NLRC5: variants seen among roughly 807,000 people sequenced by gnomAD.
NLRC5 encodes the protein protein NLRC5.
A neutral mutation model predicts 206.9 loss-of-function variants in NLRC5; 114 were observed. The ratio of observed to expected loss-of-function variants is 0.55; its 90% CI spans 0.47 to 0.64. The LOEUF (loss-of-function observed/expected upper bound fraction) is 0.64. Ranked by LOEUF, NLRC5 falls within the 30% of genes least tolerant of loss-of-function variation. The pLI is 0.00. For missense variants in NLRC5, 2,008 were observed against 2,305.5 expected (o/e 0.87, Z 2.64); for synonymous variants, 952 against 962.8 (o/e 0.99, Z 0.21).
rs2059736823 is a variant in NLRC5, at chr16:57,013,706, T to C, written c.-127-3368T>C. 3.9e-6 allele frequency: 3 copies of C among 773,068 alleles called. No homozygotes were observed. In the South Asian group the frequency reaches 4.3e-5, roughly 11 times the overall value. The allele number at this position is 773,068 out of a possible 1,614,324, so 47.9% of individuals were successfully genotyped here. ...TTGCTGGTAACCTGGAATATGCTCC[T>C]TTGGTGGTTGTGCCTGATAAAAGTC... On this transcript the variant is annotated intron_variant, in intron 1 of 48. Coordinates refer to ENST00000688547, the MANE Select transcript of NLRC5 (RefSeq NM_001384950.1).
chr16:57,079,300 GC>G lies in NLRC5; in HGVS notation c.5237+10del. The G allele has an allele frequency of 6.2e-7, 1 of 1,613,162 alleles. No individual in the cohort carries two copies. The highest frequency in any genetic ancestry group is 8.5e-7 in the Non-Finnish European group (1 of 1,179,926). ...GCTGCTCAGACAGATAGAGTAAGTA[GC>G]CTCCCCTGCCTGCCTAGGGGACCAG... On this transcript the variant is annotated intron_variant, in intron 45 of 48. Coordinates refer to ENST00000688547, the MANE Select transcript of NLRC5 (RefSeq NM_001384950.1).
chr16:57,000,620 T>A (rs1490637642), intron 1 of NLRC5, among the ~76,000 whole-genome samples: 1 of 152,140 alleles, frequency 6.6e-6, no homozygotes, highest in African/African-American at 2.4e-5. Context: ...TGAGCCTCAA[T>A]TTCCTCATGT....
chr16:57,061,081 T>C (rs1156718210), intron 30 of NLRC5, among the ~76,000 whole-genome samples: 1 of 152,252 alleles, frequency 6.6e-6, no homozygotes, highest in Non-Finnish European at 1.5e-5. Context: ...CTTTCTTATC[T>C]GCTGTGTGTC....
intron 23 of NLRC5, among the ~76,000 whole-genome samples, chr16:57,049,725 C>A (rs1328354120): frequency 1.3e-5 from 2 of 149,804 alleles, no homozygotes; most frequent in African/African-American, 4.9e-5. Context: ...CAGAGCAAGA[C>A]TCTGTCTCAA....
At chr16:57,022,112 A>T in intron 3 of NLRC5, 144 bp from the exon 4 acceptor site, 2 of 608,760 alleles carry the variant, frequency 3.3e-6, no homozygotes, top group Non-Finnish European at 5.7e-6. Flanking sequence ...TTTTCTCCAC[A>T]ACAGATAACT....
intron 20 of NLRC5, among the ~76,000 whole-genome samples, chr16:57,045,126 G>GT (rs1256556087): frequency 1.8e-4 from 27 of 151,550 alleles, no homozygotes; most frequent in African/African-American, 6.5e-4. Flanking sequence ...GATCAGTTGA[G>GT]CCCGGGGAAG....
chr16:57,061,562 C>G, intron 31 of NLRC5, 31 bp downstream of exon 31: 1 of 1,609,108 alleles, frequency 6.2e-7, no homozygotes. Flanking sequence ...GTGAGGACAG[C>G]AGAGGGGTGG....
chr16:57,069,954 G>T, intron 37 of NLRC5, 35 bp downstream of exon 37: 1 of 1,529,724 alleles, frequency 6.5e-7, no homozygotes. Flanking sequence ...GGGACAAGTG[G>T]CCCAGCTGAG....
In NLRC5 at chr16:57,026,360, G is replaced by T; in HGVS notation, c.1417G>T (p.Val473Phe). Residue 473 changes from valine to phenylalanine, a missense_variant, in exon 6 of 49, where the codon GTT (valine) becomes TTT (phenylalanine). By Grantham distance (50) the Val-to-Phe change is conservative. Coordinates refer to ENST00000688547, the MANE Select transcript of NLRC5 (RefSeq NM_001384950.1). ...CCTGAGGGGCCTGGAGACAGGGAAG[G>T]TTATCTTCTATGCAAAAGATATTGC... Reference protein sequence around the residue: ...VALRGLETGKVIFYAKDIAPP... With the variant: ...VALRGLETGKFIFYAKDIAPP... The T allele has an allele frequency of 6.2e-7, 1 of 1,613,968 alleles. No homozygotes were observed. Among genetic ancestry groups the T allele is most frequent in the Non-Finnish European group, 8.5e-7 (1 of 1,180,052 alleles).
At chr16:57,004,126 A>G in intron 1 of NLRC5, 1 of 152,638 alleles carries the variant, frequency 6.6e-6, no homozygotes, top group Non-Finnish European at 1.5e-5. Flanking sequence ...GACGTGAGGT[A>G]GGGAAGCAGG....
intron 1 of NLRC5, among the ~76,000 whole-genome samples, chr16:57,016,146 T>C (rs1177593315): frequency 6.6e-6 from 1 of 151,550 alleles, no homozygotes; most frequent in Non-Finnish European, 1.5e-5. Context: ...ACCTAGGAGG[T>C]GGAGGTTGCA....
intron 1 of NLRC5, among the ~76,000 whole-genome samples, chr16:57,016,530 T>C (rs2060123065): frequency 2.0e-5 from 3 of 152,176 alleles, no homozygotes; most frequent in African/African-American, 7.2e-5. Flanking sequence ...GTGTGGGAGT[T>C]TGTGCCAGCT....
intron 27 of NLRC5, among the ~76,000 whole-genome samples, chr16:57,056,943 G>A (rs1441004993): frequency 3.9e-5 from 6 of 152,030 alleles, no homozygotes; most frequent in Non-Finnish European, 7.4e-5. Context: ...ACAGCCTTGA[G>A]CCACCGCACC....
rs1466224172 is a variant in NLRC5 at position 57,060,174 on chromosome 16, C to A, written c.3986+642C>A. Among the ~76,000 whole-genome samples the A allele has an allele frequency of 3.9e-5, 6 of 151,900 alleles. No individual in the cohort carries two copies. The South Asian group carries it at 1.2e-3, about 32-fold the overall frequency. ...ATCCCTGCATCTTATCAGGCCTCCT[C>A]CCCTCCATTCACTCCACAGCCCCCA... On this transcript the variant is annotated intron_variant, in intron 30 of 48. Coordinates refer to ENST00000688547, the MANE Select transcript of NLRC5 (RefSeq NM_001384950.1).
At chr16:57,036,391 T>C (rs1404255114) in intron 14 of NLRC5, among the ~76,000 whole-genome samples, 2 of 152,200 alleles carry the variant, frequency 1.3e-5, no homozygotes, top group East Asian at 1.9e-4. Flanking sequence ...CACCCTTACA[T>C]GTGTAAAATG....
intron 36 of NLRC5, among the ~76,000 whole-genome samples, chr16:57,068,301 C>T (rs1424199649): frequency 6.6e-6 from 1 of 152,070 alleles, no homozygotes; most frequent in Admixed American, 6.6e-5. Context: ...CATGGTGGTG[C>T]ATGCCTGTAA....
At chr16:57,037,811 G>T (rs72780011) in intron 15 of NLRC5, among the ~76,000 whole-genome samples, 440 of 152,310 alleles carry the variant, frequency 2.9e-3, no homozygotes, top group Non-Finnish European at 5.4e-3. Context: ...GTATGGGGAG[G>T]TGAGGACAGA....
At chr16:57,069,966 G>T (rs1209652128) in intron 37 of NLRC5, 47 bp downstream of exon 37, 21 of 1,491,304 alleles carry the variant, frequency 1.4e-5, no homozygotes, top group Non-Finnish European at 1.9e-5. Context: ...CCAGCTGAGG[G>T]TGAGGGGTGG....
At chr16:57,060,926 T>A (rs1377279520) in intron 30 of NLRC5, among the ~76,000 whole-genome samples, 1 of 152,194 alleles carries the variant, frequency 6.6e-6, no homozygotes, top group Non-Finnish European at 1.5e-5. Context: ...CTGAGATGCC[T>A]GGACAGCAGA....
Sources: gnomAD v4.1 joint callset for allele counts (sites outside exome capture counted in the v4.1 genomes callset) on GRCh38, gnomAD v4.1.1 for gene constraint, MANE v1.5 for transcripts, NCBI Gene and HGNC (gene_info 2026-07-23, HGNC 2026-07-21) for gene names.